GFPT1: variants seen among roughly 807,000 people sequenced by gnomAD.
GFPT1 encodes glutamine--fructose-6-phosphate aminotransferase [isomerizing] 1.
GFPT1 carries 40 observed loss-of-function variants against 92.0 expected under a neutral mutation model. The ratio of observed to expected loss-of-function variants is 0.43; its 90% CI spans 0.34 to 0.57. The LOEUF (loss-of-function observed/expected upper bound fraction) is 0.57. GFPT1 is among the 20% of genes least tolerant of loss of function. GFPT1 has a pLI of 0.02. For missense variants in GFPT1, 448 were observed against 869.1 expected (o/e 0.52, Z 6.09); for synonymous variants, 269 against 280.6 (o/e 0.96, Z 0.41).
chr2:69,325,041 T>C lies in GFPT1; in HGVS notation c.*1148A>G, dbSNP rs1242730588. On this transcript the variant is annotated 3_prime_UTR_variant, in exon 20 of 20. Coordinates refer to ENST00000357308, the MANE Select transcript of GFPT1 (RefSeq NM_001244710.2). Reference sequence around the variant, plus strand: ...AAGAGGAAAAATACTTAGGATACAATACTAAATTTGGTGCCTATCAGTGTA... The same window carrying C: ...AAGAGGAAAAATACTTAGGATACAACACTAAATTTGGTGCCTATCAGTGTA... 1 of 152,186 alleles carries C rather than the reference T, an allele frequency of 6.6e-6. No individual in the cohort carries two copies. The highest frequency in any genetic ancestry group is 1.5e-5 in the Non-Finnish European group (1 of 68,004). The allele number at this position is 152,186 out of a possible 1,614,324, so 9.4% of individuals were successfully genotyped here. A position where few individuals can be genotyped will look rare whatever the true frequency, so the allele number is the denominator to read the frequency against.
chr2:69,326,179 T>G lies in GFPT1; in HGVS notation c.*10A>C. The G allele has an allele frequency of 6.5e-7, 1 of 1,548,022 alleles. No homozygotes were observed. The highest frequency in any genetic ancestry group is 8.9e-7 in the Non-Finnish European group (1 of 1,121,510). ...ATCATACAGTTTCGTACATTTTGTATAGATATTCCTCACTCTACAGTCACA... is the reference window on the plus strand; with the variant it reads ...ATCATACAGTTTCGTACATTTTGTAGAGATATTCCTCACTCTACAGTCACA... On this transcript the variant is annotated 3_prime_UTR_variant, in exon 20 of 20. Transcript: ENST00000357308.
intron 1 of GFPT1, among the ~76,000 whole-genome samples, chr2:69,382,026 G>A (rs1038935926): frequency 2.0e-5 from 3 of 151,872 alleles, no homozygotes; most frequent in African/African-American, 7.3e-5. Flanking sequence ...ACAACAGCTG[G>A]CTAATTTTTG....
At chr2:69,386,598 T>C (rs1426186107) in intron 1 of GFPT1, among the ~76,000 whole-genome samples, 1 of 152,234 alleles carries the variant, frequency 6.6e-6, no homozygotes, top group Non-Finnish European at 1.5e-5. Flanking sequence ...GTCTGTTTTC[T>C]ATTGGGCCTC....
At chr2:69,374,872 C>A (rs183618119) in intron 1 of GFPT1, among the ~76,000 whole-genome samples, 124 of 152,242 alleles carry the variant, frequency 8.1e-4, no homozygotes, top group Non-Finnish European at 1.3e-3. Flanking sequence ...AAAATACTCA[C>A]CCCTTAAATA....
At chr2:69,338,203 T>G in intron 14 of GFPT1, 148 bp from the exon 15 acceptor site, 2 of 822,222 alleles carry the variant, frequency 2.4e-6, no homozygotes, top group Non-Finnish European at 4.1e-6. Flanking sequence ...TTATAAAACT[T>G]TAAGTAATAT....
rs1373918137 is a variant in GFPT1 at position 69,381,392 on chromosome 2, C to T, written c.7+5673G>A. Among the ~76,000 whole-genome samples, 3 of 152,206 alleles carry T rather than the reference C, an allele frequency of 2.0e-5. No homozygotes were observed. In the East Asian group the frequency reaches 5.8e-4, roughly 29 times the overall value. On this transcript the variant is annotated intron_variant, in intron 1 of 19. Transcript: ENST00000357308. ...CAAGCCTCAAGTGATCCTCCCACCT[C>T]AGCCTCCCAAAATGCTGAGTTCACA...
At chr2:69,345,751 TAAAGA>T (rs1235702544) in intron 12 of GFPT1, among the ~76,000 whole-genome samples, 148 bp downstream of exon 12, 4 of 152,188 alleles carry the variant, frequency 2.6e-5, no homozygotes, top group African/African-American at 9.7e-5. Context: ...AATCACACAC[TAAAGA>T]ACTTTTTCCA....
chr2:69,334,917 G>A (rs987757902), intron 15 of GFPT1, among the ~76,000 whole-genome samples: 2 of 152,172 alleles, frequency 1.3e-5, no homozygotes, highest in African/African-American at 4.8e-5. Flanking sequence ...CAGTTGTACA[G>A]CCAAATGAAT....
At chr2:69,373,446 C>T (rs1671798499) in intron 2 of GFPT1, among the ~76,000 whole-genome samples, 3 of 152,008 alleles carry the variant, frequency 2.0e-5, no homozygotes, top group Non-Finnish European at 2.9e-5. Context: ...GTGAGACTCT[C>T]GTGTCTACAA....
At chr2:69,365,354 C>A (rs960191467) in intron 3 of GFPT1, among the ~76,000 whole-genome samples, 1 of 152,112 alleles carries the variant, frequency 6.6e-6, no homozygotes, top group Non-Finnish European at 1.5e-5. Context: ...CGCCTGTAAT[C>A]CCAGCTACTC....
Position 69,322,212 on chromosome 2 carries a change from T to A in GFPT1, c.*3977A>T, listed in dbSNP as rs1670417371. ...ACAAAATTTACTAAATATGTGAATATCATAAAATGAAAATATCACTCCCTT... is the reference window on the plus strand; with the variant it reads ...ACAAAATTTACTAAATATGTGAATAACATAAAATGAAAATATCACTCCCTT... On this transcript the variant is annotated 3_prime_UTR_variant, in exon 20 of 20. Transcript: ENST00000357308. The A allele has an allele frequency of 6.6e-6, 1 of 152,212 alleles. No homozygotes were observed. Among genetic ancestry groups the A allele is most frequent in the African/African-American group, 2.4e-5 (1 of 41,454 alleles). 9.4% of individuals were successfully genotyped at this position (152,212 alleles called of 1,614,324 possible).
At chr2:69,331,222 T>C (rs945638125) in intron 15 of GFPT1, among the ~76,000 whole-genome samples, 2 of 152,234 alleles carry the variant, frequency 1.3e-5, no homozygotes, top group African/African-American at 2.4e-5. Flanking sequence ...TATTTTAGCA[T>C]ACATATCTTG....
At chr2:69,381,578 T>A (rs1276247106) in intron 1 of GFPT1, among the ~76,000 whole-genome samples, 1 of 151,070 alleles carries the variant, frequency 6.6e-6, no homozygotes, top group East Asian at 2.0e-4. Flanking sequence ...TTTTTAACAG[T>A]CCTGCTCTGT....
chr2:69,369,600 A>T (rs1671694136), intron 3 of GFPT1, among the ~76,000 whole-genome samples: 2 of 152,236 alleles, frequency 1.3e-5, no homozygotes, highest in African/African-American at 4.8e-5. Flanking sequence ...GTCAAAATTG[A>T]CTACATCCAA....
intron 13 of GFPT1, 106 bp downstream of exon 13, chr2:69,342,046 A>G (rs1670966173): frequency 1.6e-6 from 1 of 644,444 alleles, no homozygotes; most frequent in Non-Finnish European, 2.7e-6. Context: ...GGGAAAAGAT[A>G]ACACATTAAC....
At chr2:69,368,813 A>G (rs1236358080) in intron 3 of GFPT1, among the ~76,000 whole-genome samples, 1 of 152,156 alleles carries the variant, frequency 6.6e-6, no homozygotes, top group Non-Finnish European at 1.5e-5. Flanking sequence ...TTCTGTTCAC[A>G]ATCTGCCTTT....
chr2:69,326,243 G>GAAAAAAAAAA lies in GFPT1; in HGVS notation c.2056-20_2056-11dup. On this transcript the variant is annotated splice_polypyrimidine_tract_variant and intron_variant, in intron 19 of 19. Coordinates refer to ENST00000357308, the MANE Select transcript of GFPT1 (RefSeq NM_001244710.2). ...TCCGTGGGAAATCAACCTGCAAAAA[G>GAAAAAAAAAA]AAAAAAAAAAAAAGCAAGATTTGAG... 1 of 1,346,802 alleles carries GAAAAAAAAAA rather than the reference G, an allele frequency of 7.4e-7. No individual in the cohort carries two copies. Among genetic ancestry groups the GAAAAAAAAAA allele is most frequent in the Non-Finnish European group, 1.0e-6 (1 of 974,836 alleles). The allele number at this position is 1,346,802 out of a possible 1,614,324, so 83.4% of individuals were successfully genotyped here. A position where few individuals can be genotyped will look rare whatever the true frequency, so the allele number is the denominator to read the frequency against.
intron 3 of GFPT1, 83 bp downstream of exon 3, chr2:69,369,918 G>A (rs1412413725): frequency 2.4e-6 from 2 of 830,346 alleles, no homozygotes; most frequent in Non-Finnish European, 4.3e-6. Flanking sequence ...AAAATATGGG[G>A]GGAGGGAGTA....
At chr2:69,370,826 G>A (rs139364528) in intron 2 of GFPT1, among the ~76,000 whole-genome samples, 25 of 152,172 alleles carry the variant, frequency 1.6e-4, no homozygotes, top group African/African-American at 5.8e-4. Flanking sequence ...TGAAGGACTT[G>A]TTGAATGATT....
Sources: gnomAD v4.1 joint callset for allele counts (sites outside exome capture counted in the v4.1 genomes callset) on GRCh38, gnomAD v4.1.1 for gene constraint, MANE v1.5 for transcripts, NCBI Gene and HGNC (gene_info 2026-07-23, HGNC 2026-07-21) for gene names.